The following ABCA12 variants were observed in gnomAD, a reference collection of about 807,000 sequenced individuals.
ABCA12 encodes the protein ATP binding cassette subfamily A member 12, also known as glucosylceramide transporter ABCA12.
In ABCA12, 156 loss-of-function variants were observed where a neutral mutation model predicts 293.5. The ratio of observed to expected loss-of-function variants is 0.53; its 90% CI spans 0.47 to 0.61. The LOEUF (loss-of-function observed/expected upper bound fraction) is 0.61. Ranked by LOEUF, ABCA12 falls within the 20% of genes least tolerant of loss-of-function variation. ABCA12 has a pLI of 0.00. For synonymous variants in ABCA12, 1,063 were observed against 1,108.0 expected (o/e 0.96, Z 0.81); for missense variants, 2,797 against 3,090.2 (o/e 0.91, Z 2.25).
intron 7 of ABCA12, among the ~76,000 whole-genome samples, chr2:215,043,394 T>C (rs1045830423): frequency 6.6e-6 from 1 of 152,170 alleles, no homozygotes; most frequent in African/African-American, 2.4e-5. Context: ...TGCCAAAATA[T>C]GCAATAATTT....
chr2:214,954,859 T>G (rs969827978), intron 43 of ABCA12, among the ~76,000 whole-genome samples: 2 of 152,200 alleles, frequency 1.3e-5, no homozygotes, highest in African/African-American at 4.8e-5. Context: ...TATAACTAAG[T>G]CGTTGTCCTT....
chr2:215,121,601 C>A (rs902976562), intron 1 of ABCA12, among the ~76,000 whole-genome samples: 1 of 152,056 alleles, frequency 6.6e-6, no homozygotes, highest in Non-Finnish European at 1.5e-5. Flanking sequence ...AAAAATGGCT[C>A]GGAGTTCTCA....
chr2:215,002,247 C>T (rs1398553083), intron 20 of ABCA12, among the ~76,000 whole-genome samples: 1 of 151,992 alleles, frequency 6.6e-6, no homozygotes, highest in Non-Finnish European at 1.5e-5. Context: ...AAATATATGC[C>T]ACATAGTTGT....
chr2:214,953,679 G>A (rs1171586949), intron 44 of ABCA12, among the ~76,000 whole-genome samples, 175 bp downstream of exon 44: 6 of 152,138 alleles, frequency 3.9e-5, no homozygotes. Context: ...ATTAAGATTT[G>A]ATAACTACTT....
rs771847743 is a variant in ABCA12 at position 215,011,594 on chromosome 2, G to T, written c.2177C>A (p.Ser726Tyr). 9 of 1,614,062 alleles carry T rather than the reference G, an allele frequency of 5.6e-6. No homozygotes were observed. The highest frequency in any genetic ancestry group is 1.7e-5 in the Admixed American group (1 of 60,014). ...NTPQGSFSTI[S>Y]QALCSQGITT... is the part of the protein sequence containing the mutation. Reference sequence around the variant, plus strand: ...AATTCCTTGAGAACATAATGCTTGGGAGATGGTGCTAAATGATCCTTGTGG... The same window carrying T: ...AATTCCTTGAGAACATAATGCTTGGTAGATGGTGCTAAATGATCCTTGTGG... Residue 726 changes from serine to tyrosine, a missense_variant, in exon 17 of 53, where the codon TCC becomes TAC. Coordinates refer to ENST00000272895, the MANE Select transcript of ABCA12 (RefSeq NM_173076.3).
At chr2:214,933,425 A>C (rs1409611) in intron 52 of ABCA12, among the ~76,000 whole-genome samples, 152,154 of 152,248 alleles carry the variant, frequency 1, 76,031 homozygotes, top group Non-Finnish European at 1. Context: ...GAAGAGTTGT[A>C]CATCAAATGC....
intron 28 of ABCA12, 65 bp downstream of exon 28, chr2:214,986,477 T>G (rs1362605065): frequency 1.3e-6 from 2 of 1,482,434 alleles, no homozygotes; most frequent in African/African-American, 1.4e-5. Context: ...GTTAGTTTAT[T>G]TTTTTTACAC....
Position 215,138,246 on chromosome 2 carries a change from T to A in ABCA12, c.-38A>T, listed in dbSNP as rs778125829. On this transcript the variant is annotated 5_prime_UTR_variant, in exon 1 of 53. Coordinates refer to ENST00000272895, the MANE Select transcript of ABCA12 (RefSeq NM_173076.3). ...CCAAATGAGAGATTTCCTCTTCTTTTCTCCACTCCACAAATGAAGAACTGA... is the reference window on the plus strand; with the variant it reads ...CCAAATGAGAGATTTCCTCTTCTTTACTCCACTCCACAAATGAAGAACTGA... 1 of 1,605,544 alleles carries A rather than the reference T, an allele frequency of 6.2e-7. No individual in the cohort carries two copies. The highest frequency in any genetic ancestry group is 8.5e-7 in the Non-Finnish European group (1 of 1,172,266).
Position 215,001,703 on chromosome 2 carries a change from G to A in ABCA12, c.2718C>T (p.Asp906=), listed in dbSNP as rs747831899. 1.9e-6 allele frequency: 3 copies of A among 1,613,488 alleles called. No homozygotes were observed. Among genetic ancestry groups the A allele is most frequent in the South Asian group, 1.1e-5 (1 of 91,070 alleles). ...ATAGTGTGTTAAGCTGATCGATGAT[G>A]TCAATGTTGTTCTCTAATTTCAGTC... ...ILRLKLENNI[D]IIDQLNTLSS... Residue 906 remains aspartate, a synonymous_variant, in exon 21 of 53, where the codon GAC becomes GAT. Transcript: ENST00000272895.
chr2:215,062,642 A>G (rs1308724490), intron 3 of ABCA12, among the ~76,000 whole-genome samples: 1 of 151,772 alleles, frequency 6.6e-6, no homozygotes, highest in Non-Finnish European at 1.5e-5. Flanking sequence ...GCTCTTCTAA[A>G]TGGTTGGGTT....
intron 1 of ABCA12, among the ~76,000 whole-genome samples, chr2:215,120,132 G>A (rs1205174260): frequency 1.3e-5 from 2 of 152,170 alleles, no homozygotes; most frequent in Non-Finnish European, 2.9e-5. Context: ...CAACATGGAT[G>A]GAGCTAGAAG....
At chr2:215,050,880 A>T (rs1036374293) in intron 5 of ABCA12, 1 of 887,114 alleles carries the variant, frequency 1.1e-6, no homozygotes, top group East Asian at 1.2e-4. Context: ...TTGCTGACAT[A>T]GGCATCAATA....
At chr2:214,997,590 A>C in intron 23 of ABCA12, 105 bp downstream of exon 23, 2 of 817,310 alleles carry the variant, frequency 2.4e-6, no homozygotes, top group Non-Finnish European at 3.9e-6. Context: ...TTTAATTCAC[A>C]AGGGATAAGT....
chr2:214,993,435 C>T (rs1699968655), intron 23 of ABCA12, among the ~76,000 whole-genome samples: 1 of 152,140 alleles, frequency 6.6e-6, no homozygotes, highest in African/African-American at 2.4e-5. Flanking sequence ...TTGCGTGTAC[C>T]CTACCCCATT....
chr2:214,943,034 G>T lies in ABCA12; in HGVS notation c.7344-17C>A. 6.2e-7 allele frequency: 1 copy of T among 1,601,532 alleles called. No homozygotes were observed. On this transcript the variant is annotated splice_polypyrimidine_tract_variant and intron_variant, in intron 49 of 52. Transcript: ENST00000272895. ...TCTTCCATGCTAAAAGACAAAGCAG[G>T]ATCATATTAGCATTCAGGATACAGA...
chr2:215,020,473 C>A (rs893227869), intron 11 of ABCA12, among the ~76,000 whole-genome samples: 1 of 152,000 alleles, frequency 6.6e-6, no homozygotes, highest in African/African-American at 2.4e-5. Context: ...GATGAGGTAC[C>A]TAGAGTTGTC....
intron 45 of ABCA12, among the ~76,000 whole-genome samples, chr2:214,950,372 G>GTA (rs754787817): frequency 0.046 from 4,010 of 88,062 alleles, 189 homozygotes; most frequent in African/African-American, 0.12. Flanking sequence ...ATATGTGTGT[G>GTA]TATATATATA....
intron 9 of ABCA12, among the ~76,000 whole-genome samples, chr2:215,027,697 C>G (rs2106025133): frequency 6.6e-6 from 1 of 152,226 alleles, no homozygotes; most frequent in East Asian, 1.9e-4. Context: ...CTGGCAACCC[C>G]CTTCTGACTC....
intron 7 of ABCA12, chr2:215,044,533 C>T (rs1398032444): frequency 6.6e-6 from 1 of 152,092 alleles, no homozygotes; most frequent in Non-Finnish European, 1.5e-5. Flanking sequence ...TGAAAATTTC[C>T]CTAAGAGATA....
Sources: gnomAD v4.1 joint callset for allele counts (sites outside exome capture counted in the v4.1 genomes callset) on GRCh38, gnomAD v4.1.1 for gene constraint, MANE v1.5 for transcripts, NCBI Gene and HGNC (gene_info 2026-07-23, HGNC 2026-07-21) for gene names.